The following NRXN3 variants were observed in gnomAD, a reference collection of about 807,000 sequenced individuals.
NRXN3 encodes the protein neurexin III.
A neutral mutation model predicts 137.6 loss-of-function variants in NRXN3; 32 were observed. The ratio of observed to expected loss-of-function variants is 0.23; its 90% CI spans 0.18 to 0.31. The LOEUF is 0.31. NRXN3 is among the 10% of genes least tolerant of loss of function. NRXN3 has a pLI of 1.00. For synonymous variants in NRXN3, 798 were observed against 784.5 expected (o/e 1.02, Z -0.29); for missense variants, 1,574 against 2,062.5 (o/e 0.76, Z 4.59).
chr14:79,705,584 G>T (rs2098774701), intron 19 of NRXN3, among the ~76,000 whole-genome samples: 1 of 152,016 alleles, frequency 6.6e-6, no homozygotes, highest in African/African-American at 2.4e-5. Flanking sequence ...CACCTTAAGC[G>T]AGTGTCTCAT....
chr14:78,555,600 G>A (rs2096730279), intron 4 of NRXN3, among the ~76,000 whole-genome samples: 1 of 152,174 alleles, frequency 6.6e-6, no homozygotes, highest in Non-Finnish European at 1.5e-5. Context: ...ACCAGGCCTT[G>A]TGATCTTGAA....
At chr14:78,598,523 T>G (rs578250980) in intron 4 of NRXN3, among the ~76,000 whole-genome samples, 1 of 152,296 alleles carries the variant, frequency 6.6e-6, no homozygotes, top group South Asian at 2.1e-4. Flanking sequence ...CATGTCCATG[T>G]TTTGGGGCAG....
At chr14:78,308,655 C>A (rs77387275) in intron 4 of NRXN3, among the ~76,000 whole-genome samples, 6,979 of 152,072 alleles carry the variant, frequency 0.046, 493 homozygotes, top group African/African-American at 0.15. Context: ...TCGCAAATGC[C>A]TGCAGATCTA....
At chr14:78,563,853 T>G (rs368407474) in intron 4 of NRXN3, among the ~76,000 whole-genome samples, 1 of 152,096 alleles carries the variant, frequency 6.6e-6, no homozygotes, top group African/African-American at 2.4e-5. Context: ...CCTATAGCAG[T>G]GAGTCTGAGG....
At chr14:78,405,610 G>GGTC (rs2092427260) in intron 4 of NRXN3, among the ~76,000 whole-genome samples, 1 of 123,206 alleles carries the variant, frequency 8.1e-6, no homozygotes, top group South Asian at 3.5e-4. Flanking sequence ...GCTGGGGAAG[G>GGTC]GGCGGGGGGG....
chr14:78,819,148 T>C (rs1396043249), intron 10 of NRXN3, among the ~76,000 whole-genome samples: 1 of 152,134 alleles, frequency 6.6e-6, no homozygotes, highest in Non-Finnish European at 1.5e-5. Context: ...TCAGGGACTG[T>C]AATTTTAGTA....
chr14:79,652,168 A>G (rs1458616604), intron 16 of NRXN3, among the ~76,000 whole-genome samples: 1 of 152,128 alleles, frequency 6.6e-6, no homozygotes, highest in African/African-American at 2.4e-5. Flanking sequence ...GTTTTATTCA[A>G]ACACAAACAC....
intron 4 of NRXN3, among the ~76,000 whole-genome samples, chr14:78,406,750 CT>C (rs2092510683): frequency 6.6e-6 from 1 of 152,128 alleles, no homozygotes; most frequent in Admixed American, 6.5e-5. Flanking sequence ...CCAAAACTAC[CT>C]TGCTGCATGC....
intron 19 of NRXN3, among the ~76,000 whole-genome samples, chr14:79,761,217 C>T (rs1477813000): frequency 2.6e-5 from 4 of 151,484 alleles, no homozygotes; most frequent in Admixed American, 6.6e-5. Flanking sequence ...TTTTGTCATC[C>T]GACGGCTCCT....
At chr14:78,715,643 G>A (rs2098428126) in intron 8 of NRXN3, among the ~76,000 whole-genome samples, 1 of 152,278 alleles carries the variant, frequency 6.6e-6, no homozygotes, top group South Asian at 2.1e-4. Flanking sequence ...GCAGAGTGAT[G>A]TATTAGTTAA....
chr14:79,580,766 G>C (rs112205894), intron 16 of NRXN3, among the ~76,000 whole-genome samples: 2 of 152,208 alleles, frequency 1.3e-5, no homozygotes, highest in African/African-American at 4.8e-5. Context: ...TCCTGATGCT[G>C]TTCAAAGTGG....
intron 20 of NRXN3, among the ~76,000 whole-genome samples, chr14:79,807,221 C>T (rs1220022924): frequency 6.6e-6 from 1 of 151,762 alleles, no homozygotes; most frequent in Non-Finnish European, 1.5e-5. Flanking sequence ...GAAATCCTCT[C>T]GCTTTGACCT....
At chr14:78,175,507 T>C (rs1201251540) in intron 1 of NRXN3, among the ~76,000 whole-genome samples, 1 of 152,190 alleles carries the variant, frequency 6.6e-6, no homozygotes, top group Non-Finnish European at 1.5e-5. Flanking sequence ...GGCTGTGGTC[T>C]GGGACCTGCT....
At chr14:78,239,204 GA>G (rs537602232) in intron 1 of NRXN3, among the ~76,000 whole-genome samples, 100 of 152,382 alleles carry the variant, frequency 6.6e-4, no homozygotes, top group African/African-American at 2.3e-3. Flanking sequence ...ACACCGTGTT[GA>G]AGCAGTCATT....
chr14:78,365,018 T>C (rs991589832), intron 4 of NRXN3, among the ~76,000 whole-genome samples: 1 of 152,208 alleles, frequency 6.6e-6, no homozygotes, highest in East Asian at 1.9e-4. Context: ...CTGGAAATGT[T>C]GCCTAGTAAT....
intron 4 of NRXN3, among the ~76,000 whole-genome samples, chr14:78,356,102 C>T (rs1249017309): frequency 6.6e-6 from 1 of 152,184 alleles, no homozygotes; most frequent in Admixed American, 6.5e-5. Context: ...AGGGAAAGGC[C>T]AATTGTTGAC....
chr14:79,279,636 T>C lies in NRXN3; in HGVS notation c.3263-187585T>C, dbSNP rs550975618. On this transcript the variant is annotated intron_variant, in intron 15 of 20. Transcript: ENST00000335750. Reference sequence around the variant, plus strand: ...GCTGCTGCTGCTGGTTTTCATCCAGTTGGGAAACCCAGGAAGCCGGCGGCT... The same window carrying C: ...GCTGCTGCTGCTGGTTTTCATCCAGCTGGGAAACCCAGGAAGCCGGCGGCT... 2.2e-4 allele frequency: 222 copies of C among 987,120 alleles called. 3 individuals are homozygous for C. The South Asian group carries it at 7.2e-3, about 32-fold the overall frequency. 61.1% of individuals were successfully genotyped at this position (987,120 alleles called of 1,614,324 possible).
intron 16 of NRXN3, among the ~76,000 whole-genome samples, chr14:79,503,071 T>C (rs904660590): frequency 3.9e-5 from 6 of 152,164 alleles, no homozygotes; most frequent in Admixed American, 6.6e-5. Context: ...AGTTCTTTAG[T>C]ATTTCAGTGA....
intron 16 of NRXN3, among the ~76,000 whole-genome samples, chr14:79,504,843 G>GT (rs2096861531): frequency 6.6e-6 from 1 of 151,682 alleles, no homozygotes; most frequent in South Asian, 2.1e-4. Flanking sequence ...AAAGCATAAA[G>GT]TAAAATTATT....
Sources: allele counts gnomAD v4.1 joint callset (sites outside exome capture counted in the v4.1 genomes callset), GRCh38; gene constraint gnomAD v4.1.1; transcripts MANE v1.5; gene names NCBI Gene and HGNC (gene_info 2026-07-23, HGNC 2026-07-21).